The following UBE4B variants were observed in gnomAD, a reference collection of about 807,000 sequenced individuals.
The protein encoded by UBE4B is ubiquitination factor E4B.
UBE4B carries 27 observed loss-of-function variants against 148.1 expected under a neutral mutation model. The observed-to-expected ratio is 0.18, with a 90% CI of 0.13 to 0.25. The LOEUF is 0.25. UBE4B is among the 10% of genes least tolerant of loss of function. The pLI, the probability that UBE4B is intolerant of heterozygous loss-of-function variation, is 1.00. For synonymous variants in UBE4B, 596 were observed against 619.3 expected, an observed-to-expected ratio of 0.96 and a Z score of 0.56; for missense variants, 1,170 against 1,662.4, an observed-to-expected ratio of 0.70 and a Z score of 5.15.
At chr1:10,089,154 G>A (rs1187317075) in intron 2 of UBE4B, among the ~76,000 whole-genome samples, 5 of 152,128 alleles carry the variant, frequency 3.3e-5, no homozygotes, top group African/African-American at 4.8e-5. Context: ...CTGCAGGCAT[G>A]TGCCACTGCA....
chr1:10,091,763 G>A (rs1057339084), intron 2 of UBE4B, among the ~76,000 whole-genome samples: 2 of 152,040 alleles, frequency 1.3e-5, no homozygotes, highest in East Asian at 1.9e-4. Context: ...CCGCCTCTGC[G>A]CCAGGCTAAT....
chr1:10,071,882 G>T, intron 1 of UBE4B, 146 bp from the exon 2 acceptor site: 1 of 780,136 alleles, frequency 1.3e-6, no homozygotes. Flanking sequence ...AATACTGGTA[G>T]AGCGAGTTAT....
rs140154432 is a variant in UBE4B at position 10,144,899 on chromosome 1, C to T, written c.2364-41C>T. 3.2e-4 allele frequency: 471 copies of T among 1,477,514 alleles called. No homozygotes were observed. In the East Asian group the frequency reaches 9.2e-3, roughly 29 times the overall value. 91.5% of individuals were successfully genotyped at this position (1,477,514 alleles called of 1,614,324 possible). A position where few individuals can be genotyped will look rare whatever the true frequency, so the allele number is the denominator to read the frequency against. On this transcript the variant is annotated intron_variant, in intron 17 of 27. Transcript: ENST00000343090. ...GCAAGATGAATGGGTAAGATGGATC[C>T]GGCTGTTTTCTTTCATTTGACTGTT...
intron 7 of UBE4B, among the ~76,000 whole-genome samples, chr1:10,112,150 A>G (rs998443181): frequency 7.9e-5 from 12 of 152,176 alleles, no homozygotes; most frequent in African/African-American, 2.7e-4. Context: ...TTGTGTTTTC[A>G]GAAGGATGCA....
At chr1:10,133,083 GGGCAGCCAGGAACAGACCCAAGAA>G (rs1293664670) in intron 15 of UBE4B, among the ~76,000 whole-genome samples, 1 of 149,308 alleles carries the variant, frequency 6.7e-6, no homozygotes, top group Non-Finnish European at 1.5e-5. Flanking sequence ...AGACCCAAGG[GGGCAGCCAGGAACAGACCCAAGAA>G]GGCAGCTGCA....
chr1:10,096,110 G>T (rs1050796209), intron 3 of UBE4B, among the ~76,000 whole-genome samples: 1 of 152,100 alleles, frequency 6.6e-6, no homozygotes, highest in Non-Finnish European at 1.5e-5. Flanking sequence ...TGAAATAATG[G>T]TGTAGTCAGT....
rs531893754 is a variant in UBE4B at position 10,041,630 on chromosome 1, C to T, written c.24+7936C>T. Among the ~76,000 whole-genome samples the T allele has an allele frequency of 7.9e-4, 120 of 151,962 alleles. 4 individuals carry two copies. The South Asian group carries it at 0.021, about 27-fold the overall frequency. On this transcript the variant is annotated intron_variant, in intron 1 of 27. Coordinates refer to ENST00000343090, the MANE Select transcript of UBE4B (RefSeq NM_001105562.3). ...GATTACAAGCGTGAACGACTGTGCC[C>T]GGCCACATTTATAGCATTCTTACGG...
At chr1:10,045,995 T>C (rs1264618674) in intron 1 of UBE4B, among the ~76,000 whole-genome samples, 1 of 152,248 alleles carries the variant, frequency 6.6e-6, no homozygotes, top group African/African-American at 2.4e-5. Context: ...GGGGCTGGTA[T>C]GGCAGCTCTG....
At chr1:10,158,620 C>A in intron 22 of UBE4B, 138 bp downstream of exon 22, 2 of 1,141,694 alleles carry the variant, frequency 1.8e-6, no homozygotes, top group Non-Finnish European at 2.4e-6. Flanking sequence ...CACAAGATGC[C>A]ACTAAATGTG....
In UBE4B at chr1:10,033,536, C is replaced by G; in HGVS notation, c.-135C>G. The G allele has an allele frequency of 9.3e-7, 1 of 1,080,834 alleles. No individual in the cohort carries two copies. Among genetic ancestry groups the G allele is most frequent in the Non-Finnish European group, 1.3e-6 (1 of 795,558 alleles). 67.0% of individuals were successfully genotyped at this position (1,080,834 alleles called of 1,614,324 possible). ...CGTGTTCTTATTTTTTAACCTCTGACTATGCAATTCTGAAACCTCCCCCAT... is the reference window on the plus strand; with the variant it reads ...CGTGTTCTTATTTTTTAACCTCTGAGTATGCAATTCTGAAACCTCCCCCAT... On this transcript the variant is annotated 5_prime_UTR_variant, in exon 1 of 28. Transcript: ENST00000343090.
chr1:10,136,061 C>T (rs1329639495), intron 16 of UBE4B, among the ~76,000 whole-genome samples: 6 of 152,040 alleles, frequency 3.9e-5, no homozygotes, highest in African/African-American at 7.2e-5. Flanking sequence ...TGCAGGGAAA[C>T]GGCTCTGGAA....
chr1:10,180,543 A>G lies in UBE4B; in HGVS notation c.*587A>G, dbSNP rs1313284568. The G allele has an allele frequency of 7.9e-5, 12 of 152,360 alleles. No homozygotes were observed. The highest frequency in any genetic ancestry group is 7.2e-4 in the Admixed American group (11 of 15,238). 9.4% of individuals were successfully genotyped at this position (152,360 alleles called of 1,614,324 possible). A position where few individuals can be genotyped will look rare whatever the true frequency, so the allele number is the denominator to read the frequency against. Reference sequence around the variant, plus strand: ...TCGTATTTTTATATCATATTCACATATTTGTTTTTTTAATTGGTGTTAGAT... The same window carrying G: ...TCGTATTTTTATATCATATTCACATGTTTGTTTTTTTAATTGGTGTTAGAT... On this transcript the variant is annotated 3_prime_UTR_variant, in exon 28 of 28. Transcript: ENST00000343090.
rs181978093 is a variant in UBE4B at position 10,152,712 on chromosome 1, C to T, written c.2926+1151C>T. 4.8e-4 allele frequency among the ~76,000 whole-genome samples: 73 copies of T among 151,774 alleles called. 1 individual carries two copies. In the East Asian group the frequency reaches 6.0e-3, roughly 13 times the overall value. On this transcript the variant is annotated intron_variant, in intron 21 of 27. Coordinates refer to ENST00000343090, the MANE Select transcript of UBE4B (RefSeq NM_001105562.3). ...ACTCAGGAGGCCGAGGCACGAGAAT[C>T]GAGTGAACCTAGGAGGCAGAGGTTG... is the stretch of plus-strand genomic sequence containing the variant.
In UBE4B at chr1:10,137,183, C is replaced by G; in HGVS notation, c.2341C>G (p.Arg781Gly). Residue 781 changes from arginine to glycine, a missense_variant, in exon 17 of 28, where the codon CGG (arginine) becomes GGG (glycine). Coordinates refer to ENST00000343090, the MANE Select transcript of UBE4B (RefSeq NM_001105562.3). ...TTGCCGTCGCTATATCCGCAGACTC[C>G]GGGCTATCCGGGAGCTCAATAGGTA... ...PSCRRYIRRL[R>G]AIRELNRTVE... 2 of 1,614,096 alleles carry G rather than the reference C, an allele frequency of 1.2e-6. No homozygotes were observed. Among genetic ancestry groups the G allele is most frequent in the Admixed American group, 1.7e-5 (1 of 60,006 alleles).
Position 10,140,470 on chromosome 1 carries a change from C to G in UBE4B, c.2363+3265C>G, listed in dbSNP as rs556088542. Among the ~76,000 whole-genome samples, 3 of 152,170 alleles carry G rather than the reference C, an allele frequency of 2.0e-5. No homozygotes were observed. In the East Asian group the frequency reaches 5.8e-4, roughly 29 times the overall value. On this transcript the variant is annotated intron_variant, in intron 17 of 27. Transcript: ENST00000343090. ...AGGTCAAGTTTGTTAATTTTCTGTT[C>G]AAGTTTTCCTTATATCTAATGATTT...
chr1:10,076,984 A>T (rs1049779483), intron 2 of UBE4B, among the ~76,000 whole-genome samples: 20 of 151,590 alleles, frequency 1.3e-4, no homozygotes, highest in Non-Finnish European at 2.5e-4. Flanking sequence ...TGACCTCATG[A>T]TCCTCCCGCC....
chr1:10,078,654 C>G (rs905720441), intron 2 of UBE4B, among the ~76,000 whole-genome samples: 10 of 151,964 alleles, frequency 6.6e-5, no homozygotes, highest in African/African-American at 2.4e-4. Context: ...TGAGTATATC[C>G]AACGAAGGCC....
In UBE4B at chr1:10,161,434, T is replaced by C. The variant is rs1440434735; in HGVS notation, c.3198+148T>C. ...CCTTCCATGAAATCATATTGCAGGATTGGAATAGGAAAATTCTTAAATACC... is the reference window on the plus strand; with the variant it reads ...CCTTCCATGAAATCATATTGCAGGACTGGAATAGGAAAATTCTTAAATACC... On this transcript the variant is annotated intron_variant, in intron 23 of 27. Coordinates refer to ENST00000343090, the MANE Select transcript of UBE4B (RefSeq NM_001105562.3). The surrounding 1 kb of genome is among the most constrained non-coding windows in gnomAD (Gnocchi z 4.1). 1 of 989,330 alleles carries C rather than the reference T, an allele frequency of 1.0e-6. No individual in the cohort carries two copies. The highest frequency in any genetic ancestry group is 1.7e-5 in the African/African-American group (1 of 60,480). 61.3% of individuals were successfully genotyped at this position (989,330 alleles called of 1,614,324 possible).
At chr1:10,057,198 G>A (rs990789873) in intron 1 of UBE4B, among the ~76,000 whole-genome samples, 1 of 151,984 alleles carries the variant, frequency 6.6e-6, no homozygotes, top group African/African-American at 2.4e-5. Context: ...GCAGTTTTAT[G>A]CCTTTGGTCC....
Sources: allele counts gnomAD v4.1 joint callset (sites outside exome capture counted in the v4.1 genomes callset), GRCh38; gene constraint gnomAD v4.1.1; non-coding constraint Gnocchi (gnomAD v3.1); transcripts MANE v1.5; gene names NCBI Gene and HGNC (gene_info 2026-07-23, HGNC 2026-07-21).